The following UVRAG variants were observed in gnomAD, a reference collection of about 807,000 sequenced individuals.
UVRAG encodes the protein UV radiation resistance associated.
UVRAG carries 19 observed loss-of-function variants against 78.0 expected under a neutral mutation model. That is an observed-to-expected ratio of 0.24 (90% CI 0.17 to 0.36). The LOEUF (loss-of-function observed/expected upper bound fraction) is 0.36, where lower values mean the gene tolerates loss of function less well. Among genes scored for constraint, UVRAG ranks in the 10% least tolerant of loss-of-function variants. The probability of loss-of-function intolerance (pLI) is 1.00; values close to 1 mark genes in which losing one functional copy is unlikely to be tolerated. For synonymous variants in UVRAG, 323 were observed against 324.6 expected, an observed-to-expected ratio of 1.00 and a Z score of 0.05; for missense variants, 740 against 853.8, an observed-to-expected ratio of 0.87 and a Z score of 1.66.
intron 1 of UVRAG, among the ~76,000 whole-genome samples, chr11:75,845,717 G>GA (rs1389831114): frequency 6.6e-6 from 1 of 152,156 alleles, no homozygotes; most frequent in Non-Finnish European, 1.5e-5. Context: ...TGGAGCATGG[G>GA]AAGAGGGTGA....
intron 13 of UVRAG, among the ~76,000 whole-genome samples, chr11:76,103,978 G>T (rs1409836912): frequency 1.3e-5 from 2 of 151,870 alleles, no homozygotes; most frequent in Non-Finnish European, 1.5e-5. Context: ...ACACTTGAGG[G>T]TCTCCTTTAT....
At chr11:75,985,154 C>CTTT (rs796594987) in intron 8 of UVRAG, among the ~76,000 whole-genome samples, 67 of 128,600 alleles carry the variant, frequency 5.2e-4, no homozygotes, top group African/African-American at 1.8e-3. Flanking sequence ...AATTTCTTTT[C>CTTT]TTTTTTTTTT....
chr11:75,914,773 C>T (rs1410307760), intron 6 of UVRAG, among the ~76,000 whole-genome samples: 5 of 151,694 alleles, frequency 3.3e-5, no homozygotes, highest in East Asian at 2.0e-4. Context: ...GGATTACAGG[C>T]GTGAGCCACT....
intron 1 of UVRAG, among the ~76,000 whole-genome samples, chr11:75,831,503 C>CAAAA (rs376448104): frequency 7.7e-6 from 1 of 130,542 alleles, no homozygotes; most frequent in Non-Finnish European, 1.7e-5. Context: ...AACAAACAAA[C>CAAAA]AAAAAAAAAA....
At chr11:76,090,440 C>T (rs1424186243) in intron 13 of UVRAG, among the ~76,000 whole-genome samples, 1 of 152,112 alleles carries the variant, frequency 6.6e-6, no homozygotes, top group East Asian at 1.9e-4. Context: ...TCCCTTTAAC[C>T]CTCCCTGGCA....
intron 1 of UVRAG, among the ~76,000 whole-genome samples, chr11:75,821,941 GTTTT>G (rs757078463): frequency 8.4e-6 from 1 of 118,564 alleles, no homozygotes; most frequent in Non-Finnish European, 1.7e-5. Context: ...ATTTATCACT[GTTTT>G]TTTTTTTTTT....
intron 13 of UVRAG, among the ~76,000 whole-genome samples, chr11:76,099,705 C>G (rs1022123737): frequency 6.6e-6 from 1 of 151,972 alleles, no homozygotes; most frequent in Non-Finnish European, 1.5e-5. Context: ...ATGTTTATTT[C>G]CAGGTATTTT....
intron 3 of UVRAG, among the ~76,000 whole-genome samples, chr11:75,863,443 T>C (rs75074666): frequency 0.066 from 10,096 of 152,270 alleles, 472 homozygotes; most frequent in African/African-American, 0.13. Flanking sequence ...GATGGTTTTT[T>C]AATATCCATT....
At chr11:75,834,244 C>T (rs1034755126) in intron 1 of UVRAG, among the ~76,000 whole-genome samples, 1 of 151,998 alleles carries the variant, frequency 6.6e-6, no homozygotes, top group Non-Finnish European at 1.5e-5. Context: ...ATAATACAGA[C>T]CCTGCTCCCT....
At chr11:76,117,806 A>G (rs1565168231) in intron 14 of UVRAG, among the ~76,000 whole-genome samples, 1 of 152,176 alleles carries the variant, frequency 6.6e-6, no homozygotes, top group Non-Finnish European at 1.5e-5. Flanking sequence ...AGATTCACCA[A>G]TCAGGAAAGT....
intron 13 of UVRAG, among the ~76,000 whole-genome samples, chr11:76,106,192 T>C (rs7937889): frequency 0.14 from 20,742 of 152,082 alleles, 3,642 homozygotes; most frequent in African/African-American, 0.41. Context: ...ACACATATAG[T>C]AACCTGGATG....
intron 13 of UVRAG, among the ~76,000 whole-genome samples, chr11:76,084,104 C>T (rs1460294819): frequency 6.6e-6 from 1 of 152,176 alleles, no homozygotes. Context: ...CCCTTAGCTC[C>T]TGACACTAAT....
chr11:75,911,303 G>C (rs949725431), intron 5 of UVRAG: 2 of 168,214 alleles, frequency 1.2e-5, no homozygotes, highest in Admixed American at 5.9e-5. Context: ...GATAGATTCT[G>C]CAGGCTCTTG....
chr11:75,906,627 C>T (rs1303860192), intron 5 of UVRAG, among the ~76,000 whole-genome samples: 1 of 152,110 alleles, frequency 6.6e-6, no homozygotes, highest in East Asian at 1.9e-4. Flanking sequence ...GGATTACAGG[C>T]GCGAGCCACC....
At chr11:75,976,215 G>GC (rs1358465622) in intron 7 of UVRAG, among the ~76,000 whole-genome samples, 5 of 152,182 alleles carry the variant, frequency 3.3e-5, no homozygotes, top group Non-Finnish European at 5.9e-5. Context: ...CAGGGATGAA[G>GC]CCCACTTGAT....
intron 3 of UVRAG, among the ~76,000 whole-genome samples, chr11:75,878,091 C>T (rs908519482): frequency 1.1e-4 from 17 of 150,334 alleles, no homozygotes; most frequent in African/African-American, 3.9e-4. Context: ...GGAGGGGCTC[C>T]TCACTTCTCA....
At chr11:76,028,275 C>G (rs1452937685) in intron 12 of UVRAG, among the ~76,000 whole-genome samples, 1 of 150,854 alleles carries the variant, frequency 6.6e-6, no homozygotes, top group Non-Finnish European at 1.5e-5. Context: ...ACCAGCTCTT[C>G]CCCCATCTCT....
chr11:76,011,715 T>C (rs1335829995), intron 11 of UVRAG, among the ~76,000 whole-genome samples: 1 of 152,208 alleles, frequency 6.6e-6, no homozygotes, highest in Non-Finnish European at 1.5e-5. Context: ...ATGTCATCCA[T>C]GGTGCCAGGT....
rs529202217 is a variant in UVRAG at position 75,880,903 on chromosome 11, C to T, written c.432+863C>T. Reference sequence around the variant, plus strand: ...CTCAAAAGTAGCTCCATAATATTTTCTTTCTTCCTTTCTTTTATTTACTTC... The same window carrying T: ...CTCAAAAGTAGCTCCATAATATTTTTTTTCTTCCTTTCTTTTATTTACTTC... On this transcript the variant is annotated intron_variant, in intron 4 of 14. Transcript: ENST00000356136. Among the ~76,000 whole-genome samples, 15 of 109,372 alleles carry T rather than the reference C, an allele frequency of 1.4e-4. No homozygotes were observed. In the South Asian group the frequency reaches 3.8e-3, roughly 28 times the overall value. 71.8% of individuals were successfully genotyped at this position (109,372 alleles called of 152,430 possible).
Sources: allele counts gnomAD v4.1 joint callset (sites outside exome capture counted in the v4.1 genomes callset), GRCh38; gene constraint gnomAD v4.1.1; transcripts MANE v1.5; gene names NCBI Gene and HGNC (gene_info 2026-07-23, HGNC 2026-07-21).